The following IL1RAPL1 variants were observed in gnomAD, a reference collection of about 807,000 sequenced individuals.
IL1RAPL1 encodes interleukin 1 receptor accessory protein like 1, also known as interleukin-1 receptor accessory protein-like 1.
A neutral mutation model predicts 48.4 loss-of-function variants in IL1RAPL1; 3 were observed. The ratio of observed to expected loss-of-function variants is 0.06; its 90% CI spans 0.03 to 0.16. The LOEUF is 0.16. Among genes scored for constraint, IL1RAPL1 ranks in the 10% least tolerant of loss-of-function variants. The pLI is 1.00. For missense variants in IL1RAPL1, 349 were observed against 530.6 expected (o/e 0.66, Z 3.36); for synonymous variants, 185 against 187.7 (o/e 0.99, Z 0.12).
At chrX:28,903,735 A>C (rs1923144254) in intron 2 of IL1RAPL1, among the ~76,000 whole-genome samples, 1 of 110,994 alleles carries the variant, frequency 9.0e-6, no homozygotes, top group South Asian at 3.8e-4. Flanking sequence ...CTAACCAAAT[A>C]TCTTAATGTT....
chrX:29,618,973 G>A (rs1452317631), intron 5 of IL1RAPL1, among the ~76,000 whole-genome samples: 1 of 111,668 alleles, frequency 9.0e-6, no homozygotes, highest in South Asian at 3.7e-4. Context: ...GGTCTATAAT[G>A]TACAGCTTGC....
intron 6 of IL1RAPL1, among the ~76,000 whole-genome samples, chrX:29,782,088 G>GTCTA (rs1435286458): frequency 1.7e-4 from 13 of 75,421 alleles, no homozygotes; most frequent in African/African-American, 6.0e-4. Context: ...CTGTCTGTCT[G>GTCTA]TCTGTCTGTC....
Position 28,587,892 on chromosome X carries a change from G to T in IL1RAPL1, c.-180G>T, listed in dbSNP as rs1333271124. On this transcript the variant is annotated 5_prime_UTR_variant, in exon 1 of 11. Coordinates refer to ENST00000378993, the MANE Select transcript of IL1RAPL1 (RefSeq NM_014271.4). Reference sequence around the variant, plus strand: ...TGCTTTTATGGTGAACTTGGCATTTGTGAATGGGAATCTTGTTCACAATAT... The same window carrying T: ...TGCTTTTATGGTGAACTTGGCATTTTTGAATGGGAATCTTGTTCACAATAT... 1 of 110,986 alleles carries T rather than the reference G, an allele frequency of 9.0e-6. No individual in the cohort carries two copies. The highest frequency in any genetic ancestry group is 1.9e-5 in the Non-Finnish European group (1 of 53,055). 9.1% of individuals were successfully genotyped at this position (110,986 alleles called of 1,213,427 possible). A position where few individuals can be genotyped will look rare whatever the true frequency, so the allele number is the denominator to read the frequency against.
At chrX:29,154,195 C>T (rs1049878899) in intron 2 of IL1RAPL1, among the ~76,000 whole-genome samples, 2 of 111,686 alleles carry the variant, frequency 1.8e-5, no homozygotes, top group Admixed American at 9.6e-5. Context: ...TCCTAGTTCT[C>T]TCTATCCAAA....
At chrX:29,095,142 T>C (rs1928187068) in intron 2 of IL1RAPL1, among the ~76,000 whole-genome samples, 1 of 111,423 alleles carries the variant, frequency 9.0e-6, no homozygotes, top group Admixed American at 9.7e-5. Flanking sequence ...AATATGATGC[T>C]ATTTTCCATG....
At chrX:29,839,062 T>C (rs190024948) in intron 6 of IL1RAPL1, among the ~76,000 whole-genome samples, 4 of 112,576 alleles carry the variant, frequency 3.6e-5, no homozygotes, top group Admixed American at 2.8e-4. Context: ...TCTGCTATTG[T>C]TCCATTGGCA....
intron 5 of IL1RAPL1, among the ~76,000 whole-genome samples, chrX:29,561,669 G>A (rs944839740): frequency 4.5e-5 from 5 of 111,806 alleles, no homozygotes; most frequent in Admixed American, 9.5e-5. Context: ...AAGGGGTGAT[G>A]CAAGTAAAAT....
intron 2 of IL1RAPL1, among the ~76,000 whole-genome samples, chrX:29,114,472 C>G (rs992429572): frequency 1.8e-5 from 2 of 111,847 alleles, no homozygotes; most frequent in Admixed American, 1.9e-4. Context: ...TGTCTTCTTT[C>G]CTTTTGTCCT....
chrX:29,605,371 C>G (rs1299957694), intron 5 of IL1RAPL1, among the ~76,000 whole-genome samples: 10 of 111,201 alleles, frequency 9.0e-5, no homozygotes, highest in Non-Finnish European at 1.9e-5. Flanking sequence ...TTATAACCCA[C>G]TAACACATCA....
At chrX:29,450,106 C>A (rs1404452015) in intron 5 of IL1RAPL1, among the ~76,000 whole-genome samples, 2 of 111,644 alleles carry the variant, frequency 1.8e-5, no homozygotes. Flanking sequence ...AGGAAAATTT[C>A]AAATGTTTTG....
At chrX:29,238,127 T>C (rs1252127505) in intron 2 of IL1RAPL1, among the ~76,000 whole-genome samples, 1 of 111,423 alleles carries the variant, frequency 9.0e-6, no homozygotes, top group Non-Finnish European at 1.9e-5. Context: ...GTATGGTAGA[T>C]CTCTATTGCT....
chrX:29,560,401 C>T (rs1232555625), intron 5 of IL1RAPL1, among the ~76,000 whole-genome samples: 2 of 111,813 alleles, frequency 1.8e-5, no homozygotes, highest in African/African-American at 6.5e-5. Flanking sequence ...CTTCATGAAT[C>T]TAAATATCTA....
intron 2 of IL1RAPL1, among the ~76,000 whole-genome samples, chrX:28,937,266 A>G (rs752008040): frequency 9.0e-6 from 1 of 111,321 alleles, no homozygotes; most frequent in Non-Finnish European, 1.9e-5. Flanking sequence ...CTTGTACTCT[A>G]AAGTCCTACA....
rs72154648 is a variant in IL1RAPL1 at position 29,089,567 on chromosome X, C to CT, written c.83-193362dup. ...CAGCATGTTTTTAATATGTTTGTAC[C>CT]TTTTTTTTTATTTCATATTTTGTGA... On this transcript the variant is annotated intron_variant, in intron 2 of 10. Coordinates refer to ENST00000378993, the MANE Select transcript of IL1RAPL1 (RefSeq NM_014271.4). 2.1e-3 allele frequency among the ~76,000 whole-genome samples: 212 copies of CT among 100,338 alleles called. 1 individual carries two copies. Among genetic ancestry groups the CT allele is most frequent in the Middle Eastern group, 0.01 (2 of 196 alleles). The allele number at this position is 100,338 out of a possible 115,157, so 87.1% of individuals were successfully genotyped here. A position where few individuals can be genotyped will look rare whatever the true frequency, so the allele number is the denominator to read the frequency against.
intron 2 of IL1RAPL1, among the ~76,000 whole-genome samples, chrX:29,265,383 C>T (rs1461772281): frequency 1.8e-5 from 2 of 109,592 alleles, no homozygotes; most frequent in East Asian, 5.7e-4. Flanking sequence ...AAATAGATAA[C>T]ATTTGGCTTT....
At chrX:28,680,767 C>T (rs1222404615) in intron 1 of IL1RAPL1, among the ~76,000 whole-genome samples, 5 of 111,529 alleles carry the variant, frequency 4.5e-5, no homozygotes, top group Admixed American at 9.5e-5. Context: ...TCACATTGAT[C>T]GATATGTTGA....
chrX:29,061,879 G>A (rs1485408490), intron 2 of IL1RAPL1, among the ~76,000 whole-genome samples: 1 of 112,184 alleles, frequency 8.9e-6, no homozygotes, highest in African/African-American at 3.2e-5. Context: ...AAGCTAAACT[G>A]TTTACAAGGA....
At chrX:29,449,485 G>A (rs1569313747) in intron 5 of IL1RAPL1, among the ~76,000 whole-genome samples, 1 of 110,707 alleles carries the variant, frequency 9.0e-6, no homozygotes, top group Middle Eastern at 4.6e-3. Flanking sequence ...TGTTCTAGAT[G>A]TGTAACTAAA....
chrX:28,935,761 G>A (rs145703110), intron 2 of IL1RAPL1, among the ~76,000 whole-genome samples: 70 of 111,808 alleles, frequency 6.3e-4, no homozygotes, highest in African/African-American at 2.1e-3. Context: ...ACTGTTGAAC[G>A]TATTCTCATT....
Sources: gnomAD v4.1 joint callset for allele counts (sites outside exome capture counted in the v4.1 genomes callset) on GRCh38, gnomAD v4.1.1 for gene constraint, MANE v1.5 for transcripts, NCBI Gene and HGNC (gene_info 2026-07-23, HGNC 2026-07-21) for gene names.